The following PATJ variants were observed in gnomAD, a reference collection of about 807,000 sequenced individuals.
PATJ encodes PATJ crumbs cell polarity complex component, also known as inaD-like protein.
In PATJ, 190 loss-of-function variants were observed where a neutral mutation model predicts 224.9. The ratio of observed to expected loss-of-function variants is 0.84; its 90% CI spans 0.75 to 0.95. The LOEUF (loss-of-function observed/expected upper bound fraction) is 0.95, where lower values mean the gene tolerates loss of function less well. Ranked by LOEUF, PATJ falls within the 40% of genes least tolerant of loss-of-function variation. The pLI is 0.00. For synonymous variants in PATJ, 769 were observed against 820.3 expected, an observed-to-expected ratio of 0.94 and a Z score of 1.07; for missense variants, 2,121 against 2,270.3, an observed-to-expected ratio of 0.93 and a Z score of 1.34.
chr1:61,953,741 G>A (rs1680047709), intron 27 of PATJ, among the ~76,000 whole-genome samples: 1 of 152,148 alleles, frequency 6.6e-6, no homozygotes, highest in Non-Finnish European at 1.5e-5. Context: ...ACTCTTCAGA[G>A]CAGTTTATTC....
At chr1:61,818,963 C>T (rs1423625120) in intron 14 of PATJ, among the ~76,000 whole-genome samples, 2 of 152,216 alleles carry the variant, frequency 1.3e-5, no homozygotes, top group African/African-American at 4.8e-5. Flanking sequence ...GCAAAGATCT[C>T]TGTGTGTACA....
At chr1:61,894,015 G>T (rs1403638907) in intron 22 of PATJ, among the ~76,000 whole-genome samples, 1 of 152,086 alleles carries the variant, frequency 6.6e-6, no homozygotes, top group Non-Finnish European at 1.5e-5. Context: ...AGCACTTCGG[G>T]AGGCTGAGGC....
At chr1:62,000,425 T>C (rs1645690088) in intron 28 of PATJ, among the ~76,000 whole-genome samples, 1 of 142,472 alleles carries the variant, frequency 7.0e-6, no homozygotes, top group Admixed American at 7.3e-5. Context: ...TCAATTCCCA[T>C]CTATGAGTGA....
At chr1:62,008,481 G>T (rs1318128343) in intron 28 of PATJ, among the ~76,000 whole-genome samples, 1 of 152,134 alleles carries the variant, frequency 6.6e-6, no homozygotes, top group East Asian at 1.9e-4. Flanking sequence ...CTACTAATCG[G>T]CACAGTGGCT....
intron 10 of PATJ, among the ~76,000 whole-genome samples, 155 bp downstream of exon 10, chr1:61,795,713 CTCT>C (rs1650947046): frequency 2.6e-5 from 4 of 152,100 alleles, no homozygotes; most frequent in Admixed American, 1.3e-4. Flanking sequence ...TTATTTTGGA[CTCT>C]TCTTCCTACA....
chr1:61,830,379 C>T (rs571453387), intron 16 of PATJ, among the ~76,000 whole-genome samples: 1 of 152,192 alleles, frequency 6.6e-6, no homozygotes, highest in South Asian at 2.1e-4. Context: ...AATAGAAAAA[C>T]ATTCCATGCT....
At chr1:61,925,792 C>A (rs770787998) in intron 26 of PATJ, among the ~76,000 whole-genome samples, 2 of 152,052 alleles carry the variant, frequency 1.3e-5, no homozygotes, top group East Asian at 3.9e-4. Flanking sequence ...AGATGGTAAG[C>A]CTGGTTCAGA....
chr1:62,006,521 C>G (rs896141364), intron 28 of PATJ, among the ~76,000 whole-genome samples: 1 of 152,172 alleles, frequency 6.6e-6, no homozygotes, highest in Non-Finnish European at 1.5e-5. Context: ...TGAAACAAAT[C>G]TCATTAAAGA....
intron 31 of PATJ, among the ~76,000 whole-genome samples, chr1:62,061,073 A>G (rs1485988204): frequency 6.6e-6 from 1 of 151,988 alleles, no homozygotes; most frequent in Non-Finnish European, 1.5e-5. Context: ...GGTTTGGGAT[A>G]TGATTGAACC....
At chr1:62,050,120 C>CAA (rs35986021) in intron 30 of PATJ, among the ~76,000 whole-genome samples, 21,435 of 94,994 alleles carry the variant, frequency 0.23, 2,392 homozygotes, top group African/African-American at 0.36. Flanking sequence ...TCTGCCCCAC[C>CAA]AAAAAAAAAA....
At chr1:62,111,071 G>T (rs944416227) in intron 34 of PATJ, among the ~76,000 whole-genome samples, 3 of 152,174 alleles carry the variant, frequency 2.0e-5, no homozygotes, top group Admixed American at 6.5e-5. Flanking sequence ...ACTTCCATCC[G>T]AGCAGATACC....
intron 11 of PATJ, among the ~76,000 whole-genome samples, chr1:61,799,552 A>G (rs1570572046): frequency 1.3e-5 from 2 of 152,124 alleles, no homozygotes; most frequent in Non-Finnish European, 2.9e-5. Flanking sequence ...TGTTTTTTTA[A>G]TTTAAAATTT....
chr1:61,780,978 C>T (rs544651118), intron 7 of PATJ, among the ~76,000 whole-genome samples: 1 of 152,222 alleles, frequency 6.6e-6, no homozygotes, highest in African/African-American at 2.4e-5. Context: ...GAAGTACTTA[C>T]GCCAGACATT....
At chr1:61,820,452 C>T (rs1657029492) in intron 14 of PATJ, among the ~76,000 whole-genome samples, 1 of 152,208 alleles carries the variant, frequency 6.6e-6, no homozygotes. Context: ...AAGCGATTCT[C>T]CTGCCTCAGC....
chr1:61,900,276 A>G (rs1670945183), intron 23 of PATJ, among the ~76,000 whole-genome samples: 1 of 152,198 alleles, frequency 6.6e-6, no homozygotes, highest in Non-Finnish European at 1.5e-5. Flanking sequence ...AATTTGTCTT[A>G]AAACATTTAA....
intron 17 of PATJ, among the ~76,000 whole-genome samples, chr1:61,843,886 G>A (rs1240556726): frequency 6.7e-6 from 1 of 149,280 alleles, no homozygotes; most frequent in Non-Finnish European, 1.5e-5. Context: ...ACCTTTAAAA[G>A]ATACGAGCCA....
chr1:62,067,252 G>T (rs561616531), intron 31 of PATJ, among the ~76,000 whole-genome samples: 1 of 148,954 alleles, frequency 6.7e-6, no homozygotes, highest in African/African-American at 2.5e-5. Flanking sequence ...TCAGCCTCAC[G>T]AGTAGCTGGG....
intron 22 of PATJ, among the ~76,000 whole-genome samples, chr1:61,893,041 G>T (rs1019021624): frequency 3.3e-5 from 5 of 152,256 alleles, no homozygotes; most frequent in South Asian, 2.1e-4. Flanking sequence ...TGTACAGTAA[G>T]AATATTTCAC....
At position 61,797,955 on chromosome 1, in the gene PATJ, A is replaced by G. The variant is rs192508091; in HGVS notation, c.1402+527A>G. 2.6e-3 allele frequency among the ~76,000 whole-genome samples: 402 copies of G among 152,134 alleles called. 2 individuals carry two copies. The highest frequency in any genetic ancestry group is 9.2e-3 in the African/African-American group (381 of 41,504). On this transcript the variant is annotated intron_variant, in intron 11 of 43. Coordinates refer to ENST00000642238, the MANE Select transcript of PATJ (RefSeq NM_001350145.3). ...GTAGCTGGGACTACAGGCATGTGCCACCACACACGGCTAATTCTGTTTGTA... is the reference window on the plus strand; with the variant it reads ...GTAGCTGGGACTACAGGCATGTGCCGCCACACACGGCTAATTCTGTTTGTA...
Sources: allele counts gnomAD v4.1 joint callset (sites outside exome capture counted in the v4.1 genomes callset), GRCh38; gene constraint gnomAD v4.1.1; transcripts MANE v1.5; gene names NCBI Gene and HGNC (gene_info 2026-07-23, HGNC 2026-07-21).